The following RP1L1 variants were observed in gnomAD, a reference collection of about 807,000 sequenced individuals.
The protein encoded by RP1L1 is RP1 like 1.
Under a neutral mutation model 15.7 loss-of-function variants are expected in RP1L1, and 27 were observed. The ratio of observed to expected loss-of-function variants is 1.72; its 90% confidence interval spans 1.27 to 2.38. The LOEUF is 2.38. RP1L1 is among the 30% of genes most tolerant of loss of function. RP1L1 has a pLI of 0.00. For missense variants in RP1L1, 4,798 were observed against 3,075.9 expected, an observed-to-expected ratio of 1.56 and a Z score of -13.24; for synonymous variants, 1,813 against 1,276.7, an observed-to-expected ratio of 1.42 and a Z score of -8.96.
intron 1 of RP1L1, among the ~76,000 whole-genome samples, chr8:10,624,734 C>A (rs1798129652): frequency 6.6e-6 from 1 of 152,206 alleles, no homozygotes; most frequent in Non-Finnish European, 1.5e-5. Flanking sequence ...GCCATTCTGG[C>A]TGCCGGACAT....
chr8:10,633,640 G>A (rs766124317), intron 1 of RP1L1, among the ~76,000 whole-genome samples: 2 of 152,008 alleles, frequency 1.3e-5, no homozygotes, highest in Non-Finnish European at 2.9e-5. Flanking sequence ...GCTGTTCTGT[G>A]GTCATCATTT....
At chr8:10,625,192 G>A (rs1384083015) in intron 1 of RP1L1, among the ~76,000 whole-genome samples, 1 of 152,162 alleles carries the variant, frequency 6.6e-6, no homozygotes, top group African/African-American at 2.4e-5. Context: ...GGGAAGACCT[G>A]ACCTCTTAAC....
Position 10,612,519 on chromosome 8 carries a change from T to A in RP1L1, c.1579A>T (p.Ser527Cys), listed in dbSNP as rs779841171. 5.6e-6 allele frequency: 9 copies of A among 1,611,674 alleles called. No individual in the cohort carries two copies. Among genetic ancestry groups the A allele is most frequent in the Non-Finnish European group, 6.8e-6 (8 of 1,179,922 alleles). ...QGGRLTPRAR[S>C]EEGASSDSSA... Reference sequence around the variant, plus strand: ...GAGTCCGAAGAAGCCCCCTCCTCACTCCGGGCCCTCGGTGTCAGGCGGCCG... The same window carrying A: ...GAGTCCGAAGAAGCCCCCTCCTCACACCGGGCCCTCGGTGTCAGGCGGCCG... Residue 527 changes from serine (S) to cysteine (C), a missense_variant, in exon 4 of 4, where the codon AGT (serine) becomes TGT (cysteine). Physicochemically the swap from Ser to Cys is moderately radical, Grantham distance 112 (BLOSUM62 -1). Coordinates refer to ENST00000382483, the MANE Select transcript of RP1L1 (RefSeq NM_178857.6).
Position 10,611,518 on chromosome 8 carries a change from C to G in RP1L1, c.2580G>C (p.Arg860=), listed in dbSNP as rs1209099137. 7 of 1,580,198 alleles carry G rather than the reference C, an allele frequency of 4.4e-6. No homozygotes were observed. The highest frequency in any genetic ancestry group is 6.0e-6 in the Non-Finnish European group (7 of 1,164,486). Residue 860 remains arginine, a synonymous_variant, in exon 4 of 4, where the codon CGG becomes CGC. Transcript: ENST00000382483. Reference sequence around the variant, plus strand: ...TGGAAGAGCGCCTCTGGGGGCAGGGCCGCCCCCTGGGCGGGGTGGGACAGT... The same window carrying G: ...TGGAAGAGCGCCTCTGGGGGCAGGGGCGCCCCCTGGGCGGGGTGGGACAGT... ...GRYCPTPPRG[R]PCPQRRSSSC... is the part of the protein sequence containing the mutation.
chr8:10,638,327 G>A (rs1471019674), intron 1 of RP1L1, among the ~76,000 whole-genome samples: 3 of 152,084 alleles, frequency 2.0e-5, no homozygotes, highest in Admixed American at 2.0e-4. Context: ...AAGTACAAAC[G>A]GAAGCATGAA....
Position 10,612,992 on chromosome 8 carries a change from C to T in RP1L1, c.1106G>A (p.Trp369Ter). The T allele has an allele frequency of 1.9e-6, 3 of 1,613,336 alleles. No homozygotes were observed. In the South Asian group the frequency reaches 3.3e-5, roughly 18 times the overall value. ...LGEVDPLCCV[W>*]EGYPWGFSEP... ...TGAGAAGCCCCAAGGGTAGCCCTCC[C>T]ACACACAGCAGAGGGGGTCTACCTC... The change falls in exon 4 of 4, where the codon TGG (tryptophan) becomes TAG (stop). Residue 369 changes from tryptophan to a stop codon, truncating the protein, a stop_gained. Coordinates refer to ENST00000382483, the MANE Select transcript of RP1L1 (RefSeq NM_178857.6). LOFTEE classifies it low-confidence loss of function (END_TRUNC).
Position 10,616,485 on chromosome 8 carries a change from C to A in RP1L1, c.712G>T (p.Ala238Ser). The A allele has an allele frequency of 1.2e-6, 2 of 1,614,266 alleles. No individual in the cohort carries two copies. The highest frequency in any genetic ancestry group is 1.7e-6 in the Non-Finnish European group (2 of 1,180,044). ...GAAGTCAGCCCAGATAAAGTTTCAGCCTCGCTTCTCCTGGCATTTTTCATG... is the reference window on the plus strand; with the variant it reads ...GAAGTCAGCCCAGATAAAGTTTCAGACTCGCTTCTCCTGGCATTTTTCATG... ...PAMKNARRSE[A>S]ETLSGLTSRN... The change falls in exon 3 of 4, where the codon GCT becomes TCT. Residue 238 changes from alanine (A) to serine (S), a missense_variant. Transcript: ENST00000382483.
At chr8:10,644,473 C>T (rs990592625) in intron 1 of RP1L1, among the ~76,000 whole-genome samples, 1 of 152,174 alleles carries the variant, frequency 6.6e-6, no homozygotes, top group Non-Finnish European at 1.5e-5. Context: ...GGGTGTAAGT[C>T]CCCCAGCCCT....
intron 3 of RP1L1, 144 bp from the exon 4 acceptor site, chr8:10,613,490 G>T (rs531186228): frequency 8.0e-7 from 1 of 1,249,582 alleles, no homozygotes. Context: ...ACAGCTGTGC[G>T]CGGTGGCTCA....
In RP1L1 at chr8:10,612,667, C is replaced by T. The variant is rs770984456; in HGVS notation, c.1431G>A (p.Glu477=). 2 of 1,601,238 alleles carry T rather than the reference C, an allele frequency of 1.2e-6. No individual in the cohort carries two copies. Residue 477 remains glutamate, a synonymous_variant, in exon 4 of 4, where the codon GAG becomes GAA. Coordinates refer to ENST00000382483, the MANE Select transcript of RP1L1 (RefSeq NM_178857.6). ...PESSCCPRTP[E]DGVDSASPSA... ...AGGGGCTGGCACTGTCCACCCCGTC[C>T]TCCGGGGTCCTGGGGCAGCAGGAGG...
intron 1 of RP1L1, 99 bp from the exon 2 acceptor site, chr8:10,623,319 A>T: frequency 1.1e-6 from 1 of 871,728 alleles, no homozygotes; most frequent in East Asian, 2.6e-5. Flanking sequence ...GCCCACCCCA[A>T]ATGTGCTCCA....
At chr8:10,648,677 C>T (rs1334950538) in intron 1 of RP1L1, among the ~76,000 whole-genome samples, 2 of 152,224 alleles carry the variant, frequency 1.3e-5, no homozygotes, top group Non-Finnish European at 2.9e-5. Flanking sequence ...GAGCTTCCAA[C>T]CGAAAGGCAA....
At chr8:10,624,872 G>C (rs1798132289) in intron 1 of RP1L1, among the ~76,000 whole-genome samples, 1 of 152,178 alleles carries the variant, frequency 6.6e-6, no homozygotes, top group Admixed American at 6.5e-5. Flanking sequence ...CGAACAGGAA[G>C]AGCCCCACTG....
In RP1L1 at chr8:10,609,329, G is replaced by T. The variant is rs372867998; in HGVS notation, c.4769C>A (p.Pro1590His). ...CTCCCCGGTGAGGGCCTCCCTTGGA[G>T]GCTCCAGCACCATCCTACCCGCCCG... Reference protein sequence around the residue: ...QGRAGRMVLEPPREALTGELL... With the variant: ...QGRAGRMVLEHPREALTGELL... The change falls in exon 4 of 4, where the codon CCT becomes CAT. Residue 1590 changes from proline (P) to histidine (H), a missense_variant. Coordinates refer to ENST00000382483, the MANE Select transcript of RP1L1 (RefSeq NM_178857.6). The T allele has an allele frequency of 3.2e-5, 51 of 1,611,944 alleles. No homozygotes were observed. The highest frequency in any genetic ancestry group is 2.3e-4 in the Admixed American group (14 of 59,946).
intron 1 of RP1L1, among the ~76,000 whole-genome samples, chr8:10,624,659 G>C (rs1215248395): frequency 6.7e-6 from 1 of 150,258 alleles, no homozygotes; most frequent in African/African-American, 2.5e-5. Context: ...TGGAAGGCCG[G>C]GAGGAGAAGG....
chr8:10,626,647 A>G (rs1798163533), intron 1 of RP1L1, among the ~76,000 whole-genome samples: 1 of 152,242 alleles, frequency 6.6e-6, no homozygotes, highest in Non-Finnish European at 1.5e-5. Context: ...AAAAAGAAAC[A>G]GTGACAAATG....
intron 2 of RP1L1, among the ~76,000 whole-genome samples, chr8:10,618,052 C>A (rs376722140): frequency 6.6e-6 from 1 of 152,074 alleles, no homozygotes; most frequent in Admixed American, 6.6e-5. Flanking sequence ...ATTAGCAATG[C>A]TTGGGGATGT....
intron 1 of RP1L1, among the ~76,000 whole-genome samples, chr8:10,628,453 C>T (rs906857553): frequency 6.6e-6 from 1 of 152,088 alleles, no homozygotes; most frequent in Non-Finnish European, 1.5e-5. Context: ...GCATGGGCTC[C>T]TGCAGCTCAT....
Position 10,609,849 on chromosome 8 carries a change from C to T in RP1L1, c.4249G>A (p.Asp1417Asn), listed in dbSNP as rs1261159825. 6.2e-7 allele frequency: 1 copy of T among 1,614,078 alleles called. No individual in the cohort carries two copies. The highest frequency in any genetic ancestry group is 1.3e-5 in the African/African-American group (1 of 74,938). Residue 1417 changes from aspartate to asparagine, a missense_variant, in exon 4 of 4, where the codon GAT (aspartate) becomes AAT (asparagine). By Grantham distance (23) the Asp-to-Asn change is conservative (BLOSUM62 1). Coordinates refer to ENST00000382483, the MANE Select transcript of RP1L1 (RefSeq NM_178857.6). The part of the protein sequence containing the change: ...GQELSEASSP[D>N]GKGSQEDDPV... ...TCATCTTCCTGGGAGCCTTTCCCAT[C>T]CGGAGAGCTGGCCTCTGACAATTCC...
Sources: allele counts gnomAD v4.1 joint callset (sites outside exome capture counted in the v4.1 genomes callset), GRCh38; gene constraint gnomAD v4.1.1; transcripts MANE v1.5; gene names NCBI Gene and HGNC (gene_info 2026-07-23, HGNC 2026-07-21).